The following LRRTM4 variants were observed in gnomAD, a reference collection of about 807,000 sequenced individuals.
LRRTM4 encodes the protein leucine rich repeat transmembrane neuronal 4, also known as leucine-rich repeat transmembrane neuronal protein 4.
LRRTM4 carries 25 observed loss-of-function variants against 47.6 expected under a neutral mutation model. The ratio of observed to expected loss-of-function variants is 0.53; its 90% confidence interval spans 0.38 to 0.73. The LOEUF (loss-of-function observed/expected upper bound fraction) is 0.73. Among genes scored for constraint, LRRTM4 ranks in the 30% least tolerant of loss-of-function variants. The pLI, the probability that LRRTM4 is intolerant of heterozygous loss-of-function variation, is 0.00. For missense variants in LRRTM4, 638 were observed against 713.4 expected (o/e 0.89, Z 1.20); for synonymous variants, 311 against 269.5 (o/e 1.15, Z -1.51).
chr2:77,361,333 A>G (rs968546524), intron 3 of LRRTM4, among the ~76,000 whole-genome samples: 1 of 151,736 alleles, frequency 6.6e-6, no homozygotes, highest in East Asian at 1.9e-4. Flanking sequence ...CTTCCTTCTC[A>G]TTTAGGTTAA....
chr2:76,790,276 G>C (rs1362238640), intron 3 of LRRTM4, among the ~76,000 whole-genome samples: 1 of 152,144 alleles, frequency 6.6e-6, no homozygotes, highest in African/African-American at 2.4e-5. Context: ...GTGGTATGGG[G>C]ATATGGTGCA....
At position 77,144,029 on chromosome 2, in the gene LRRTM4, T is replaced by C. The variant is rs1672193295; in HGVS notation, c.1551+374289A>G. On this transcript the variant is annotated intron_variant, in intron 3 of 3. Transcript: ENST00000409884. ...ATTAGGAAATGTCTCTTGAGGACAT[T>C]ATCTGTGGAGGAGATGAGAAGGACA... Among the ~76,000 whole-genome samples the C allele has an allele frequency of 2.0e-5, 3 of 152,300 alleles. No individual in the cohort carries two copies. The South Asian group carries it at 6.2e-4, about 32-fold the overall frequency.
intron 3 of LRRTM4, among the ~76,000 whole-genome samples, chr2:77,053,668 C>G (rs1376062917): frequency 1.3e-5 from 2 of 151,954 alleles, no homozygotes; most frequent in African/African-American, 4.8e-5. Flanking sequence ...CCCCTTTTAT[C>G]TGCTAGAGGT....
intron 3 of LRRTM4, among the ~76,000 whole-genome samples, chr2:76,974,185 T>TATATATATATAC (rs1226920647): frequency 6.5e-4 from 62 of 95,302 alleles, no homozygotes; most frequent in Non-Finnish European, 1.3e-4. Context: ...TATATATACA[T>TATATATATATAC]ACATATATAT....
intron 3 of LRRTM4, among the ~76,000 whole-genome samples, chr2:77,211,434 G>A (rs1674289894): frequency 6.6e-6 from 1 of 152,078 alleles, no homozygotes; most frequent in South Asian, 2.1e-4. Context: ...CTGGGTGAGA[G>A]AACAGAGAAA....
rs187909033 is a variant in LRRTM4 at position 76,780,834 on chromosome 2, T to C, written c.1552-31918A>G. Among the ~76,000 whole-genome samples the C allele has an allele frequency of 5.5e-3, 835 of 151,674 alleles. 7 individuals carry two copies. Among genetic ancestry groups the C allele is most frequent in the African/African-American group, 0.019 (796 of 41,526 alleles). ...CGTTCCTTTGGAGGAGGAGAGGTGC[T>C]CTGCTTTTCAGAGTTTCCAGTTTTT... is the stretch of plus-strand genomic sequence containing the variant. On this transcript the variant is annotated intron_variant, in intron 3 of 3. Transcript: ENST00000409884.
intron 3 of LRRTM4, among the ~76,000 whole-genome samples, chr2:77,453,212 C>T (rs555838288): frequency 8.8e-4 from 107 of 122,084 alleles, no homozygotes; most frequent in Non-Finnish European, 1.3e-3. Context: ...GATAGAGTCT[C>T]GCTGTGTTGC....
At chr2:77,096,348 T>A (rs116556688) in intron 3 of LRRTM4, among the ~76,000 whole-genome samples, 2,169 of 151,802 alleles carry the variant, frequency 0.014, 51 homozygotes, top group African/African-American at 0.05. Context: ...TAAGGATATA[T>A]TCAAACAAAA....
intron 3 of LRRTM4, among the ~76,000 whole-genome samples, chr2:77,034,508 T>A (rs1678769904): frequency 6.6e-6 from 1 of 152,096 alleles, no homozygotes; most frequent in Admixed American, 6.6e-5. Flanking sequence ...GCAGATTTTC[T>A]CTCCGTCTTC....
chr2:77,203,885 T>C (rs553047898), intron 3 of LRRTM4, among the ~76,000 whole-genome samples: 14 of 152,302 alleles, frequency 9.2e-5, no homozygotes, highest in African/African-American at 3.4e-4. Context: ...AAGGCAGTGT[T>C]GTGGATTTCA....
chr2:77,376,302 C>T (rs766412325), intron 3 of LRRTM4, among the ~76,000 whole-genome samples: 2 of 151,612 alleles, frequency 1.3e-5, no homozygotes, highest in African/African-American at 4.8e-5. Flanking sequence ...TATCTAATTT[C>T]CCCTTTTGAT....
chr2:76,888,432 AAC>A (rs1290696446), intron 3 of LRRTM4, among the ~76,000 whole-genome samples: 4 of 151,544 alleles, frequency 2.6e-5, no homozygotes, highest in Admixed American at 6.6e-5. Flanking sequence ...TCAAAAGTTT[AAC>A]AGTTATTCTC....
intron 3 of LRRTM4, among the ~76,000 whole-genome samples, chr2:77,414,778 G>A (rs988329808): frequency 1.3e-5 from 2 of 152,162 alleles, no homozygotes; most frequent in African/African-American, 4.8e-5. Flanking sequence ...AAATATTCCT[G>A]TGCCTCCTGC....
At chr2:77,056,495 T>A (rs960587014) in intron 3 of LRRTM4, among the ~76,000 whole-genome samples, 2 of 151,744 alleles carry the variant, frequency 1.3e-5, no homozygotes, top group African/African-American at 4.8e-5. Flanking sequence ...ACAGAATACA[T>A]AATAAATGAT....
chr2:77,160,958 G>A (rs542564138), intron 3 of LRRTM4, among the ~76,000 whole-genome samples: 3 of 152,062 alleles, frequency 2.0e-5, no homozygotes, highest in East Asian at 1.9e-4. Flanking sequence ...CTAGTTCCAT[G>A]GCAGCCTACA....
At chr2:76,859,978 C>G (rs1311189327) in intron 3 of LRRTM4, among the ~76,000 whole-genome samples, 2 of 152,082 alleles carry the variant, frequency 1.3e-5, no homozygotes, top group African/African-American at 4.8e-5. Flanking sequence ...TATGTTGCAT[C>G]AAAAGTACCA....
chr2:77,184,043 T>C (rs1673431162), intron 3 of LRRTM4, among the ~76,000 whole-genome samples: 1 of 152,018 alleles, frequency 6.6e-6, no homozygotes, highest in Non-Finnish European at 1.5e-5. Context: ...GTAATAAACC[T>C]GCACATTGTG....
chr2:77,244,911 C>G (rs1037601443), intron 3 of LRRTM4, among the ~76,000 whole-genome samples: 2 of 152,106 alleles, frequency 1.3e-5, no homozygotes, highest in Admixed American at 6.6e-5. Context: ...ACTTTGAAAG[C>G]AGATACTTTC....
chr2:77,283,403 G>A (rs2104105587), intron 3 of LRRTM4, among the ~76,000 whole-genome samples: 1 of 152,108 alleles, frequency 6.6e-6, no homozygotes, highest in South Asian at 2.1e-4. Flanking sequence ...CAGTCACTGT[G>A]GAAAGAAGAC....
Sources: allele counts gnomAD v4.1 joint callset (sites outside exome capture counted in the v4.1 genomes callset), GRCh38; gene constraint gnomAD v4.1.1; transcripts MANE v1.5; gene names NCBI Gene and HGNC (gene_info 2026-07-23, HGNC 2026-07-21).